NT5DC3: variants seen among roughly 807,000 people sequenced by gnomAD.
The protein encoded by NT5DC3 is 5'-nucleotidase domain containing 3.
NT5DC3 carries 42 observed loss-of-function variants against 67.8 expected under a neutral mutation model. The observed-to-expected ratio is 0.62, with a 90% CI of 0.48 to 0.80. The LOEUF (loss-of-function observed/expected upper bound fraction) is 0.80, where lower values mean the gene tolerates loss of function less well. Ranked by LOEUF, NT5DC3 falls within the 30% of genes least tolerant of loss-of-function variation. The probability of loss-of-function intolerance (pLI) is 0.00; values close to 1 mark genes in which losing one functional copy is unlikely to be tolerated. For synonymous variants in NT5DC3, 237 were observed against 255.6 expected (o/e 0.93, Z 0.69); for missense variants, 570 against 696.4 (o/e 0.82, Z 2.04).
chr12:103,747,120 C>G, the NT5DC3 span, among the ~76,000 whole-genome samples: 2 of 151,970 alleles, frequency 1.3e-5, no homozygotes, highest in African/African-American at 4.8e-5. Context: ...CCGCACCTGG[C>G]TAACTTTAGA....
At position 103,788,859 on chromosome 12, in the gene NT5DC3, C is replaced by A; in HGVS notation, c.1080G>T (p.Gln360His). The change falls in exon 10 of 14, where the codon CAG (glutamine) becomes CAT (histidine). Residue 360 changes from glutamine (Q) to histidine (H), a missense_variant. By Grantham distance (24) the Gln-to-His change is conservative. This residue lies in a region of NT5DC3 where 466 missense variants were observed against 608.0 expected (regional missense o/e 0.77). Transcript: ENST00000392876. ...ATACCTGCTTGTATATCTGGCCTTTCTGCAACTTATGGATTTTATCCCAGA... is the reference window on the plus strand; with the variant it reads ...ATACCTGCTTGTATATCTGGCCTTTATGCAACTTATGGATTTTATCCCAGA... ...VLLWDKIHKL[Q>H]KGQIYKQGNL... is the part of the protein sequence containing the mutation. The A allele has an allele frequency of 6.2e-7, 1 of 1,613,172 alleles. No homozygotes were observed. The highest frequency in any genetic ancestry group is 2.2e-5 in the East Asian group (1 of 44,884).
chr12:103,755,244 G>A, the NT5DC3 span: 1,497,097 of 1,587,184 alleles, frequency 0.94, 706,313 homozygotes, highest in East Asian at 1. Context: ...CATTAACCAA[G>A]TGATGCCACA....
At chr12:103,839,612 T>C (rs1264907729) in intron 1 of NT5DC3, among the ~76,000 whole-genome samples, 1 of 152,176 alleles carries the variant, frequency 6.6e-6, no homozygotes, top group African/African-American at 2.4e-5. Flanking sequence ...AAAAAAAACT[T>C]TCCTGCCCAA....
chr12:103,800,393 G>A (rs191581968), intron 4 of NT5DC3, among the ~76,000 whole-genome samples: 1 of 152,380 alleles, frequency 6.6e-6, no homozygotes, highest in Admixed American at 6.5e-5. Flanking sequence ...TTGGAAATCA[G>A]CCCTTGCTGA....
chr12:103,820,743 A>C, intron 1 of NT5DC3: 1 of 152,226 alleles, frequency 6.6e-6, no homozygotes, highest in East Asian at 1.9e-4. Context: ...GGCACACAGT[A>C]CTGGAGAGCT....
chr12:103,830,746 G>A (rs1055973024), intron 1 of NT5DC3, among the ~76,000 whole-genome samples: 2 of 152,036 alleles, frequency 1.3e-5, no homozygotes, highest in Non-Finnish European at 2.9e-5. Flanking sequence ...GATCATTTTA[G>A]TAGTTTCATA....
rs1237710666 is a variant in NT5DC3 at position 103,806,329 on chromosome 12, C to G, written c.517G>C (p.Val173Leu). Residue 173 changes from valine (V) to leucine (L), a missense_variant, in exon 4 of 14, where the codon GTC (valine) becomes CTC (leucine). By Grantham distance (32) the Val-to-Leu change is conservative (BLOSUM62 1). Around this residue, in one of 2 missense-constraint regions of NT5DC3, gnomAD observed 466 missense variants for 608.0 expected, o/e 0.77. Coordinates refer to ENST00000392876, the MANE Select transcript of NT5DC3 (RefSeq NM_001031701.3). Reference protein sequence around the residue: ...DAFHYIQLGTVYRGLSVVPDE... With the variant: ...DAFHYIQLGTLYRGLSVVPDE... ...ATCTCCTCTTACTCTTACCTGTAGA[C>G]AGTTCCCAGCTGGATATAATGAAAA... The G allele has an allele frequency of 6.2e-7, 1 of 1,602,506 alleles. No individual in the cohort carries two copies. The highest frequency in any genetic ancestry group is 1.7e-5 in the Admixed American group (1 of 60,006).
intron 7 of NT5DC3, 48 bp from the exon 8 acceptor site, chr12:103,793,560 C>A: frequency 1.5e-6 from 2 of 1,370,772 alleles, no homozygotes; most frequent in South Asian, 2.3e-5. Context: ...TGATATTTGT[C>A]AATCTGCAAG....
At chr12:103,793,330 C>A (rs1426315424) in intron 8 of NT5DC3, 65 bp from the exon 9 acceptor site, 5 of 1,565,788 alleles carry the variant, frequency 3.2e-6, no homozygotes, top group African/African-American at 1.4e-5. Flanking sequence ...GTAACTTTTT[C>A]TTTCCAATTT....
chr12:103,790,426 C>T (rs926823364), intron 9 of NT5DC3, among the ~76,000 whole-genome samples: 4 of 152,068 alleles, frequency 2.6e-5, no homozygotes, highest in Admixed American at 6.5e-5. Flanking sequence ...CAGTTGCATG[C>T]CACCATGACT....
chr12:103,793,047 A>G, intron 9 of NT5DC3, 117 bp downstream of exon 9: 1 of 764,358 alleles, frequency 1.3e-6, no homozygotes, highest in Non-Finnish European at 2.2e-6. Context: ...TTAAAATTCA[A>G]AAGCTATAAT....
intron 9 of NT5DC3, among the ~76,000 whole-genome samples, chr12:103,790,539 G>C (rs117907031): frequency 0.094 from 14,339 of 151,974 alleles, 937 homozygotes; most frequent in East Asian, 0.28. Flanking sequence ...GGGACTACAG[G>C]TGTGACCAAC....
the NT5DC3 span, chr12:103,755,808 A>T: frequency 1.7e-6 from 2 of 1,210,306 alleles, no homozygotes; most frequent in Non-Finnish European, 2.4e-6. Context: ...GCTGAAGGCC[A>T]CAGTCACAGT....
chr12:103,783,132 C>G (rs1351842153), intron 12 of NT5DC3, among the ~76,000 whole-genome samples: 1 of 152,216 alleles, frequency 6.6e-6, no homozygotes, highest in Non-Finnish European at 1.5e-5. Context: ...AGGGGGAGTT[C>G]TAGAAACATC....
At chr12:103,817,487 C>T (rs1369550413) in intron 1 of NT5DC3, among the ~76,000 whole-genome samples, 1 of 152,106 alleles carries the variant, frequency 6.6e-6, no homozygotes, top group African/African-American at 2.4e-5. Context: ...CCTGAACTGT[C>T]CATATTTTAC....
chr12:103,752,714 C>A, the NT5DC3 span, among the ~76,000 whole-genome samples: 4 of 152,080 alleles, frequency 2.6e-5, no homozygotes, highest in Non-Finnish European at 5.9e-5. Context: ...AGGAGAAAAT[C>A]ATGTTACCAG....
At chr12:103,801,922 G>A (rs1341413454) in intron 4 of NT5DC3, among the ~76,000 whole-genome samples, 1 of 152,174 alleles carries the variant, frequency 6.6e-6, no homozygotes, top group Non-Finnish European at 1.5e-5. Context: ...CCCTTAGGCA[G>A]GCACTGGAAT....
rs1249839895 is a variant in NT5DC3, at chr12:103,785,670, A to G, written c.1189-195T>C. 5.7e-6 allele frequency: 4 copies of G among 700,220 alleles called. No individual in the cohort carries two copies. In the African/African-American group the frequency reaches 7.1e-5, roughly 12 times the overall value. 43.4% of individuals were successfully genotyped at this position (700,220 alleles called of 1,614,324 possible). A position where few individuals can be genotyped will look rare whatever the true frequency, so the allele number is the denominator to read the frequency against. On this transcript the variant is annotated intron_variant, in intron 11 of 13. Transcript: ENST00000392876. ...CAGCCTTTGATCATTTCATTCCAAG[A>G]AAGTTTCAGTTCTGGAAATAATTGC...
At chr12:103,830,202 C>T (rs555126622) in intron 1 of NT5DC3, among the ~76,000 whole-genome samples, 1 of 152,342 alleles carries the variant, frequency 6.6e-6, no homozygotes, top group East Asian at 1.9e-4. Context: ...GAAACTGAGA[C>T]ACACAGACAT....
Sources: allele counts gnomAD v4.1 joint callset (sites outside exome capture counted in the v4.1 genomes callset), GRCh38; gene constraint gnomAD v4.1.1; regional missense constraint gnomAD v4.1.1; transcripts MANE v1.5; gene names NCBI Gene and HGNC (gene_info 2026-07-23, HGNC 2026-07-21).